Variants in SERPINA6 observed in about 807,000 individuals in gnomAD.
SERPINA6 encodes serpin family A member 6.
In SERPINA6, 19 loss-of-function variants were observed where a neutral mutation model predicts 26.4. That is an observed-to-expected ratio of 0.72 (90% CI 0.50 to 1.06). The LOEUF (loss-of-function observed/expected upper bound fraction) is 1.06, where lower values mean the gene tolerates loss of function less well. Among genes scored for constraint, SERPINA6 ranks in the 50% least tolerant of loss-of-function variants. SERPINA6 has a pLI of 0.00. For synonymous variants in SERPINA6, 196 were observed against 199.4 expected (o/e 0.98, Z 0.14); for missense variants, 473 against 504.0 (o/e 0.94, Z 0.59).
In SERPINA6 at chr14:94,312,499, C is replaced by G. The variant is rs558954147; in HGVS notation, c.613+1537G>C. Among the ~76,000 whole-genome samples the G allele has an allele frequency of 4.6e-5, 7 of 152,356 alleles. No homozygotes were observed. The South Asian group carries it at 1.5e-3, about 32-fold the overall frequency. On this transcript the variant is annotated intron_variant, in intron 2 of 4. Coordinates refer to ENST00000341584, the MANE Select transcript of SERPINA6 (RefSeq NM_001756.4). ...GGAATCTCCCAAAGAGACAAAGATA[C>G]CCTGCACAAGAGTGCACAGTCTCGT... is the stretch of plus-strand genomic sequence containing the variant.
chr14:94,304,784 C>T (rs1450920860), intron 4 of SERPINA6, among the ~76,000 whole-genome samples, 181 bp from the exon 5 acceptor site: 1 of 152,174 alleles, frequency 6.6e-6, no homozygotes, highest in African/African-American at 2.4e-5. Context: ...AGTCTGTCCA[C>T]CTCCAGAACC....
chr14:94,310,435 G>A (rs987827121), intron 2 of SERPINA6, among the ~76,000 whole-genome samples: 2 of 152,106 alleles, frequency 1.3e-5, no homozygotes, highest in South Asian at 2.1e-4. Flanking sequence ...CAGCCTGGCC[G>A]GCCCAGCTGA....
At chr14:94,312,280 G>A (rs1395453166) in intron 2 of SERPINA6, among the ~76,000 whole-genome samples, 6 of 152,130 alleles carry the variant, frequency 3.9e-5, no homozygotes, top group South Asian at 4.2e-4. Context: ...GTGAAACCTC[G>A]TACAGAATGA....
Position 94,304,436 on chromosome 14 carries a change from C to A in SERPINA6, c.1200G>T (p.Arg400Ser). Residue 400 changes from arginine (R) to serine (S), a missense_variant, in exon 5 of 5, where the codon AGG becomes AGT. Physicochemically the swap from Arg to Ser is moderately radical, Grantham distance 110. Coordinates refer to ENST00000341584, the MANE Select transcript of SERPINA6 (RefSeq NM_001756.4). ...TGGTCTCTTACACTGGGTTCATAAC[C>A]CTCGCCAGGAAAAGGCTGCTCCAGG... ...HFTWSSLFLARVMNPV is the reference protein window; with the variant it reads ...HFTWSSLFLASVMNPV The A allele has an allele frequency of 6.2e-7, 1 of 1,614,100 alleles. No individual in the cohort carries two copies. Among genetic ancestry groups the A allele is most frequent in the Non-Finnish European group, 8.5e-7 (1 of 1,180,026 alleles).
chr14:94,312,890 T>G (rs1895552109), intron 2 of SERPINA6, among the ~76,000 whole-genome samples: 1 of 152,222 alleles, frequency 6.6e-6, no homozygotes, highest in Non-Finnish European at 1.5e-5. Context: ...ACATCTCCTC[T>G]GATCTGATGA....
At chr14:94,311,158 C>G (rs575616711) in intron 2 of SERPINA6, among the ~76,000 whole-genome samples, 1 of 152,312 alleles carries the variant, frequency 6.6e-6, no homozygotes, top group African/African-American at 2.4e-5. Context: ...ATGCTGGTCC[C>G]TTCTTAATGA....
chr14:94,316,068 A>G (rs961921059), intron 1 of SERPINA6, among the ~76,000 whole-genome samples: 1 of 151,756 alleles, frequency 6.6e-6, no homozygotes, highest in Admixed American at 6.6e-5. Context: ...TTGTGTTTCC[A>G]TTTTCGTTTG....
At chr14:94,320,639 G>A (rs535624092) in intron 1 of SERPINA6, among the ~76,000 whole-genome samples, 11 of 152,300 alleles carry the variant, frequency 7.2e-5, no homozygotes, top group African/African-American at 1.2e-4. Context: ...CGCTCCGAGC[G>A]TGGGAACCAC....
chr14:94,306,241 G>T, intron 3 of SERPINA6, 23 bp from the exon 4 acceptor site: 1 of 1,614,006 alleles, frequency 6.2e-7, no homozygotes, highest in Non-Finnish European at 8.5e-7. Flanking sequence ...AGCAGACAGA[G>T]TTAGACATTC....
In SERPINA6 at chr14:94,304,355, C is replaced by T; in HGVS notation, c.*63G>A. ...GGGGGAAACCTCCCGCTCTCCAAAA[C>T]ATTTCTGTGGGATCCCTGGTTCCCA... is the stretch of plus-strand genomic sequence containing the variant. On this transcript the variant is annotated 3_prime_UTR_variant, in exon 5 of 5. Coordinates refer to ENST00000341584, the MANE Select transcript of SERPINA6 (RefSeq NM_001756.4). The T allele has an allele frequency of 1.3e-6, 2 of 1,545,832 alleles. No individual in the cohort carries two copies. Among genetic ancestry groups the T allele is most frequent in the South Asian group, 2.2e-5 (2 of 89,680 alleles).
intron 2 of SERPINA6, among the ~76,000 whole-genome samples, chr14:94,311,974 T>C (rs961212515): frequency 1.3e-5 from 2 of 151,980 alleles, no homozygotes; most frequent in African/African-American, 4.8e-5. Context: ...AATAAATAAA[T>C]AAATAACACA....
chr14:94,314,904 A>G, intron 1 of SERPINA6: 1 of 586,900 alleles, frequency 1.7e-6, no homozygotes, highest in Non-Finnish European at 3.0e-6. Context: ...TGATCTAGGT[A>G]GTCTGGCTAT....
In SERPINA6 at chr14:94,306,320, C is replaced by T. The variant is rs917972743; in HGVS notation, c.885-102G>A. On this transcript the variant is annotated intron_variant, in intron 3 of 4. Transcript: ENST00000341584. ...GGCCAGACTCTTATTTCCTCATGCGCTCCCTCCAGCTCCTGCCCTCCAGCC... is the reference window on the plus strand; with the variant it reads ...GGCCAGACTCTTATTTCCTCATGCGTTCCCTCCAGCTCCTGCCCTCCAGCC... The T allele has an allele frequency of 3.3e-6, 4 of 1,195,834 alleles. No homozygotes were observed. In the South Asian group the frequency reaches 3.8e-5, roughly 11 times the overall value. 74.1% of individuals were successfully genotyped at this position (1,195,834 alleles called of 1,614,324 possible).
chr14:94,304,743 C>G (rs1380725530), intron 4 of SERPINA6, 140 bp from the exon 5 acceptor site: 2 of 721,956 alleles, frequency 2.8e-6, no homozygotes, highest in Non-Finnish European at 4.6e-6. Flanking sequence ...GGATTCTTAT[C>G]CAAGTGGCAG....
intron 3 of SERPINA6, among the ~76,000 whole-genome samples, chr14:94,308,499 C>G (rs147713733): frequency 1.3e-5 from 2 of 150,518 alleles, no homozygotes; most frequent in East Asian, 1.9e-4. Context: ...GATCCACCAG[C>G]CTTCCTGAGC....
chr14:94,312,142 T>C (rs1895540623), intron 2 of SERPINA6, among the ~76,000 whole-genome samples: 1 of 152,226 alleles, frequency 6.6e-6, no homozygotes, highest in Non-Finnish European at 1.5e-5. Context: ...AGAAAATCTG[T>C]GTACAATGAG....
rs757722648 is a variant in SERPINA6 at position 94,306,023 on chromosome 14, T to C, written c.1032+48A>G. 1.4e-5 allele frequency: 23 copies of C among 1,606,836 alleles called. No individual in the cohort carries two copies. In the East Asian group the frequency reaches 2.0e-4, roughly 14 times the overall value. On this transcript the variant is annotated intron_variant, in intron 4 of 4. Coordinates refer to ENST00000341584, the MANE Select transcript of SERPINA6 (RefSeq NM_001756.4). ...GCCACTTCCTAGTATTATATTTATA[T>C]TGTGAATTTTGGAGGGGGAAGAAAA...
intron 3 of SERPINA6, among the ~76,000 whole-genome samples, chr14:94,308,798 A>G (rs914384111): frequency 6.6e-6 from 1 of 152,032 alleles, no homozygotes; most frequent in African/African-American, 2.4e-5. Flanking sequence ...CATCCATCCA[A>G]CCATCCACCC....
At chr14:94,313,149 T>A (rs1048074903) in intron 2 of SERPINA6, among the ~76,000 whole-genome samples, 1 of 152,074 alleles carries the variant, frequency 6.6e-6, no homozygotes, top group African/African-American at 2.4e-5. Context: ...GAGCTAAGAT[T>A]TGAAGTGAGG....
Sources: allele counts gnomAD v4.1 joint callset (sites outside exome capture counted in the v4.1 genomes callset), GRCh38; gene constraint gnomAD v4.1.1; transcripts MANE v1.5; gene names NCBI Gene and HGNC (gene_info 2026-07-23, HGNC 2026-07-21).